Variants in CSMD1 observed in about 807,000 individuals in gnomAD.
The protein encoded by CSMD1 is CUB and Sushi multiple domains 1.
A neutral mutation model predicts 417.5 loss-of-function variants in CSMD1; 213 were observed. The ratio of observed to expected loss-of-function variants is 0.51; its 90% CI spans 0.46 to 0.57. The LOEUF (loss-of-function observed/expected upper bound fraction) is 0.57, where lower values mean the gene tolerates loss of function less well. Ranked by LOEUF, CSMD1 falls within the 20% of genes least tolerant of loss-of-function variation. The pLI is 0.00. For missense variants in CSMD1, 6,923 were observed against 4,529.7 expected (o/e 1.53, Z -15.17); for synonymous variants, 2,862 against 1,736.8 (o/e 1.65, Z -16.11).
chr8:3,835,711 TA>T (rs1011752263), intron 5 of CSMD1, among the ~76,000 whole-genome samples: 7 of 86,502 alleles, frequency 8.1e-5, no homozygotes, highest in African/African-American at 3.4e-4. Context: ...TAAAGTATAA[TA>T]AAATTAACAA....
chr8:4,144,236 T>C (rs2131027926), intron 3 of CSMD1, among the ~76,000 whole-genome samples: 1 of 151,106 alleles, frequency 6.6e-6, no homozygotes, highest in African/African-American at 2.5e-5. Flanking sequence ...CAGCACAAAC[T>C]GGCCGTAAGT....
intron 3 of CSMD1, among the ~76,000 whole-genome samples, chr8:4,347,434 C>G (rs1261618228): frequency 6.6e-6 from 1 of 151,998 alleles, no homozygotes; most frequent in Non-Finnish European, 1.5e-5. Context: ...AATATTTTAG[C>G]CAAACACACA....
chr8:3,501,913 C>G (rs1324875036), intron 10 of CSMD1, among the ~76,000 whole-genome samples: 1 of 152,086 alleles, frequency 6.6e-6, no homozygotes, highest in Non-Finnish European at 1.5e-5. Context: ...ACCATAGATA[C>G]TGGATAAATA....
At chr8:4,337,537 A>C (rs998327302) in intron 3 of CSMD1, among the ~76,000 whole-genome samples, 6 of 152,142 alleles carry the variant, frequency 3.9e-5, no homozygotes, top group African/African-American at 1.2e-4. Flanking sequence ...CATTATTTTT[A>C]AAAATAAACT....
At chr8:4,130,825 G>A (rs1803056956) in intron 3 of CSMD1, among the ~76,000 whole-genome samples, 1 of 151,342 alleles carries the variant, frequency 6.6e-6, no homozygotes, top group Non-Finnish European at 1.5e-5. Context: ...ATATAATATT[G>A]TACTATGTGC....
intron 3 of CSMD1, among the ~76,000 whole-genome samples, chr8:4,054,947 G>C (rs1050638510): frequency 6.6e-6 from 1 of 152,146 alleles, no homozygotes; most frequent in Non-Finnish European, 1.5e-5. Flanking sequence ...AGTACAAAGA[G>C]ACATCAAAAG....
chr8:3,661,987 G>C (rs985768457), intron 7 of CSMD1, among the ~76,000 whole-genome samples: 1 of 152,136 alleles, frequency 6.6e-6, no homozygotes, highest in African/African-American at 2.4e-5. Context: ...GCGGGAGAGA[G>C]GAGCTACGCA....
chr8:3,696,155 C>G (rs554395251), intron 7 of CSMD1, among the ~76,000 whole-genome samples: 7 of 152,302 alleles, frequency 4.6e-5, no homozygotes, highest in Admixed American at 2.0e-4. Flanking sequence ...ACATAATGAA[C>G]GTATCTTCTT....
intron 5 of CSMD1, among the ~76,000 whole-genome samples, chr8:3,905,653 C>T (rs1429514345): frequency 6.6e-6 from 1 of 152,206 alleles, no homozygotes; most frequent in Non-Finnish European, 1.5e-5. Flanking sequence ...CCAGGCAATG[C>T]TCATACTGCC....
intron 2 of CSMD1, among the ~76,000 whole-genome samples, chr8:4,531,013 A>T (rs1163785125): frequency 6.6e-6 from 1 of 151,994 alleles, no homozygotes; most frequent in Non-Finnish European, 1.5e-5. Context: ...CTGCCACCCC[A>T]TCCTCTCTGC....
At chr8:4,253,331 T>G (rs1407640737) in intron 3 of CSMD1, among the ~76,000 whole-genome samples, 1 of 152,198 alleles carries the variant, frequency 6.6e-6, no homozygotes, top group Non-Finnish European at 1.5e-5. Context: ...TTTCCCCTAC[T>G]ATAGAACTTA....
At chr8:2,977,476 C>T (rs964896547) in intron 55 of CSMD1, among the ~76,000 whole-genome samples, 1 of 152,156 alleles carries the variant, frequency 6.6e-6, no homozygotes, top group African/African-American at 2.4e-5. Flanking sequence ...TGTGTATGTA[C>T]CACGTTTTCT....
At chr8:3,230,369 T>TA in intron 26 of CSMD1, 138 bp from the exon 27 acceptor site, 1 of 541,662 alleles carries the variant, frequency 1.8e-6, no homozygotes, top group Non-Finnish European at 3.1e-6. Flanking sequence ...CATACGAAAA[T>TA]AGTTTCTTTT....
At chr8:3,123,610 A>G (rs1270469847) in intron 41 of CSMD1, among the ~76,000 whole-genome samples, 1 of 92,832 alleles carries the variant, frequency 1.1e-5, no homozygotes, top group Non-Finnish European at 1.8e-5. Context: ...AAACGTTAAG[A>G]AAAAAAAACA....
chr8:4,206,741 T>G (rs1800004314), intron 3 of CSMD1, among the ~76,000 whole-genome samples: 4 of 152,176 alleles, frequency 2.6e-5, no homozygotes. Flanking sequence ...CTAGAGGATT[T>G]CAGAATATTT....
At chr8:4,732,023 T>G (rs1484644000) in intron 1 of CSMD1, among the ~76,000 whole-genome samples, 1 of 152,110 alleles carries the variant, frequency 6.6e-6, no homozygotes, top group South Asian at 2.1e-4. Context: ...GAGGAGCCAG[T>G]GTTGACTGCA....
chr8:4,799,237 G>T (rs1441841731), intron 1 of CSMD1, among the ~76,000 whole-genome samples: 1 of 152,022 alleles, frequency 6.6e-6, no homozygotes, highest in Non-Finnish European at 1.5e-5. Flanking sequence ...AAACGGTAAG[G>T]GATAACACCG....
intron 3 of CSMD1, among the ~76,000 whole-genome samples, chr8:4,346,090 A>C (rs549042165): frequency 6.6e-6 from 1 of 152,280 alleles, no homozygotes; most frequent in South Asian, 2.1e-4. Flanking sequence ...CGAAAGTACT[A>C]CAACTAGAAA....
At chr8:4,848,587 T>G (rs1226836970) in intron 1 of CSMD1, among the ~76,000 whole-genome samples, 1 of 151,750 alleles carries the variant, frequency 6.6e-6, no homozygotes, top group Non-Finnish European at 1.5e-5. Flanking sequence ...CACCCAGGCC[T>G]GCGGTGCTGT....
Sources: gnomAD v4.1 joint callset for allele counts (sites outside exome capture counted in the v4.1 genomes callset) on GRCh38, gnomAD v4.1.1 for gene constraint, MANE v1.5 for transcripts, NCBI Gene and HGNC (gene_info 2026-07-23, HGNC 2026-07-21) for gene names.